CEP131: variants seen among roughly 807,000 people sequenced by gnomAD.
CEP131 encodes centrosomal protein of 131 kDa.
In CEP131, 99 loss-of-function variants were observed where a neutral mutation model predicts 136.8. The ratio of observed to expected loss-of-function variants is 0.72; its 90% CI spans 0.62 to 0.86. The LOEUF (loss-of-function observed/expected upper bound fraction) is 0.86. Among genes scored for constraint, CEP131 ranks in the 40% least tolerant of loss-of-function variants. The probability of loss-of-function intolerance (pLI) is 0.00; values close to 1 mark genes in which losing one functional copy is unlikely to be tolerated. For missense variants in CEP131, 1,459 were observed against 1,463.0 expected (o/e 1.00, Z 0.04); for synonymous variants, 646 against 612.7 (o/e 1.05, Z -0.80).
chr17:81,205,766 T>G (rs1342333395), intron 5 of CEP131, among the ~76,000 whole-genome samples: 5 of 151,962 alleles, frequency 3.3e-5, no homozygotes, highest in African/African-American at 4.8e-5. Context: ...AGGAGTGGTG[T>G]TGTGCACCTG....
At chr17:81,197,152 G>C (rs2061777597) in intron 13 of CEP131, 97 bp from the exon 14 acceptor site, 7 of 1,458,754 alleles carry the variant, frequency 4.8e-6, no homozygotes, top group Non-Finnish European at 6.3e-6. Context: ...TCTGGGGACA[G>C]AGGGGCTGCT....
At chr17:81,192,145 A>G (rs954706627) in intron 21 of CEP131, among the ~76,000 whole-genome samples, 173 bp downstream of exon 21, 1 of 152,098 alleles carries the variant, frequency 6.6e-6, no homozygotes, top group Non-Finnish European at 1.5e-5. Flanking sequence ...ATGGGCTGAA[A>G]GCAACACACT....
intron 22 of CEP131, 51 bp downstream of exon 22, chr17:81,191,142 C>T: frequency 1.9e-6 from 3 of 1,606,714 alleles, no homozygotes; most frequent in Non-Finnish European, 2.5e-6. Context: ...GTCCTTGCGC[C>T]TCAGCTCGTG....
intron 18 of CEP131, among the ~76,000 whole-genome samples, chr17:81,193,522 A>G (rs1268292133): frequency 6.6e-6 from 1 of 152,038 alleles, no homozygotes; most frequent in African/African-American, 2.4e-5. Context: ...CACCCCTCAG[A>G]CCCCAGGCCA....
At chr17:81,212,321 C>CAAAAAAAAAA (rs71166130) in intron 2 of CEP131, among the ~76,000 whole-genome samples, 1 of 135,094 alleles carries the variant, frequency 7.4e-6, no homozygotes. Flanking sequence ...GATTCCCTCT[C>CAAAAAAAAAA]AAAAAAAAAA....
intron 2 of CEP131, among the ~76,000 whole-genome samples, chr17:81,218,060 TG>T (rs1170793757): frequency 6.6e-6 from 1 of 151,898 alleles, no homozygotes; most frequent in East Asian, 1.9e-4. Context: ...TTTCTTTTTT[TG>T]AGACAGAGTC....
At position 81,199,425 on chromosome 17, in the gene CEP131, G is replaced by A. The variant is rs555735703; in HGVS notation, c.1148C>T (p.Thr383Ile). The A allele has an allele frequency of 2.3e-4, 367 of 1,607,128 alleles. No homozygotes were observed. The highest frequency in any genetic ancestry group is 5.4e-4 in the Admixed American group (32 of 59,220). ...GGCCTGGTGGGCAGTGCCGCCTGGTGTGGGGGACAGCTCCTGAGCAGGCTG... is the reference window on the plus strand; with the variant it reads ...GGCCTGGTGGGCAGTGCCGCCTGGTATGGGGGACAGCTCCTGAGCAGGCTG... Reference protein sequence around the residue: ...MRQPAQELSPTPGGTAHQALK... With the variant: ...MRQPAQELSPIPGGTAHQALK... Residue 383 changes from threonine to isoleucine, a missense_variant, in exon 10 of 26, where the codon ACA becomes ATA. Thr to Ile is a moderately conservative substitution (Grantham distance 89, BLOSUM62 -1). Around this residue, in one of 3 missense-constraint regions of CEP131, gnomAD observed 1,026 missense variants for 964.2 expected, o/e 1.06. Coordinates refer to ENST00000450824, the MANE Select transcript of CEP131 (RefSeq NM_014984.4).
rs537785347 is a variant in CEP131 at position 81,219,102 on chromosome 17, C to T, written c.177+778G>A. Among the ~76,000 whole-genome samples the T allele has an allele frequency of 2.1e-3, 319 of 152,260 alleles. 3 individuals are homozygous for T. Among genetic ancestry groups the T allele is most frequent in the African/African-American group, 7.3e-3 (304 of 41,550 alleles). Reference sequence around the variant, plus strand: ...ACACCAACTCAGGGTGCAGCAGGCCCGGCCTGCCTTTCACAGCCCCCATCT... The same window carrying T: ...ACACCAACTCAGGGTGCAGCAGGCCTGGCCTGCCTTTCACAGCCCCCATCT... On this transcript the variant is annotated intron_variant, in intron 2 of 25. Transcript: ENST00000450824. The surrounding 1 kb of genome is among the most constrained non-coding windows in gnomAD (Gnocchi z 4.0).
At chr17:81,198,774 G>T in intron 11 of CEP131, 103 bp downstream of exon 11, 1 of 1,187,176 alleles carries the variant, frequency 8.4e-7, no homozygotes, top group Non-Finnish European at 1.2e-6. Flanking sequence ...GGCCCCTAGA[G>T]CAGAGGAGGG....
At chr17:81,199,638 G>A in intron 9 of CEP131, 81 bp downstream of exon 9, 2 of 1,596,320 alleles carry the variant, frequency 1.3e-6, no homozygotes, top group Non-Finnish European at 1.7e-6. Flanking sequence ...AGTGTCCCGG[G>A]GCCCAGGGAG....
At chr17:81,197,683 G>C in intron 13 of CEP131, 29 bp downstream of exon 13, 1 of 1,589,570 alleles carries the variant, frequency 6.3e-7, no homozygotes, top group Non-Finnish European at 8.6e-7. Context: ...CTCCCACTGG[G>C]GGCCGGGTGC....
intron 8 of CEP131, 183 bp downstream of exon 8, chr17:81,200,146 C>A: frequency 1.6e-6 from 1 of 621,764 alleles, no homozygotes. Flanking sequence ...GCCCTGAGGA[C>A]CGCCAGTGAG....
intron 2 of CEP131, 146 bp from the exon 3 acceptor site, chr17:81,209,168 G>A: frequency 1.6e-6 from 1 of 644,638 alleles, no homozygotes. Context: ...CAAAGGCAGT[G>A]GGTGGTCAGA....
chr17:81,197,593 C>CGAGG, intron 13 of CEP131, 119 bp downstream of exon 13: 1 of 1,422,288 alleles, frequency 7.0e-7, no homozygotes, highest in Non-Finnish European at 9.2e-7. Context: ...GGCGAGAGAC[C>CGAGG]TCCTCCCCCT....
Position 81,197,043 on chromosome 17 carries a change from C to A in CEP131, c.1660G>T (p.Glu554Ter). The stretch of plus-strand genomic sequence containing the variant: ...AGCTCCAGGGGCCCCGGCCCCGCCT[C>A]CGGCACCCACCCCTGCAGACACAGC... ...LDSQQEGWVP[E>*]AGPGPLELGS... The change falls in exon 14 of 26, where the codon GAG (glutamate) becomes TAG (stop). Residue 554 changes from glutamate (E) to a stop codon, truncating the protein, a stop_gained. Coordinates refer to ENST00000450824, the MANE Select transcript of CEP131 (RefSeq NM_014984.4). LOFTEE classifies it high-confidence loss of function. 6.3e-7 allele frequency: 1 copy of A among 1,587,110 alleles called. No individual in the cohort carries two copies. The highest frequency in any genetic ancestry group is 8.6e-7 in the Non-Finnish European group (1 of 1,166,986).
In CEP131 at chr17:81,203,245, G is replaced by C. The variant is rs2061932998; in HGVS notation, c.629+249C>G. The stretch of plus-strand genomic sequence containing the variant: ...TCTCTGTGGGAAGCTGCCGACCCAA[G>C]AACAGAAGAGGGCGGCGGACGTGGA... On this transcript the variant is annotated intron_variant, in intron 6 of 25. Coordinates refer to ENST00000450824, the MANE Select transcript of CEP131 (RefSeq NM_014984.4). This position sits in a 1 kb window ranked among gnomAD's most constrained non-coding sequence, Gnocchi z 4.6. Among the ~76,000 whole-genome samples the C allele has an allele frequency of 6.6e-6, 1 of 152,324 alleles. No individual in the cohort carries two copies. Among genetic ancestry groups the C allele is most frequent in the East Asian group, 1.9e-4 (1 of 5,172 alleles).
At chr17:81,200,643 A>T (rs1391295206) in intron 7 of CEP131, among the ~76,000 whole-genome samples, 197 bp from the exon 8 acceptor site, 3 of 152,128 alleles carry the variant, frequency 2.0e-5, no homozygotes, top group Admixed American at 2.0e-4. Context: ...CTCCACTAAA[A>T]CCCAAAACCT....
At chr17:81,195,013 AC>A (rs778256519) in intron 16 of CEP131, 41 bp from the exon 17 acceptor site, 15 of 1,512,064 alleles carry the variant, frequency 9.9e-6, no homozygotes, top group African/African-American at 1.4e-5. Context: ...CACGAAGGAC[AC>A]CCCCGTCCCT....
In CEP131 at chr17:81,215,456, G is replaced by A. The variant is rs2062225772; in HGVS notation, c.177+4424C>T. On this transcript the variant is annotated intron_variant, in intron 2 of 25. Coordinates refer to ENST00000450824, the MANE Select transcript of CEP131 (RefSeq NM_014984.4). This position sits in a 1 kb window ranked among gnomAD's most constrained non-coding sequence, Gnocchi z 4.1. Reference sequence around the variant, plus strand: ...TGAAATGGAGTCTCGCTGTCACCCAGGCTAGAGTGTGGTGGTGCGATCTTG... The same window carrying A: ...TGAAATGGAGTCTCGCTGTCACCCAAGCTAGAGTGTGGTGGTGCGATCTTG... 1.3e-5 allele frequency among the ~76,000 whole-genome samples: 2 copies of A among 151,886 alleles called. No individual in the cohort carries two copies. The highest frequency in any genetic ancestry group is 6.6e-5 in the Admixed American group (1 of 15,236).
Sources: gnomAD v4.1 joint callset for allele counts (sites outside exome capture counted in the v4.1 genomes callset) on GRCh38, gnomAD v4.1.1 for gene constraint, gnomAD v4.1.1 regional missense constraint, Gnocchi (gnomAD v3.1) non-coding constraint, MANE v1.5 for transcripts, NCBI Gene and HGNC (gene_info 2026-07-23, HGNC 2026-07-21) for gene names.